ANK3: variants seen among roughly 807,000 people sequenced by gnomAD.
ANK3 encodes ankyrin-3.
In ANK3, 57 loss-of-function variants were observed where a neutral mutation model predicts 370.9. That is an observed-to-expected ratio of 0.15 (90% CI 0.12 to 0.19). The LOEUF (loss-of-function observed/expected upper bound fraction) is 0.19, where lower values mean the gene tolerates loss of function less well. Ranked by LOEUF, ANK3 falls within the 10% of genes least tolerant of loss-of-function variation. The probability of loss-of-function intolerance (pLI) is 1.00; values close to 1 mark genes in which losing one functional copy is unlikely to be tolerated. For synonymous variants in ANK3, 1,929 were observed against 1,946.3 expected (o/e 0.99, Z 0.23); for missense variants, 4,439 against 5,302.1 (o/e 0.84, Z 5.06).
rs754544794 is a variant in ANK3, at chr10:60,274,260, C to T, written c.415-4031G>A. On this transcript the variant is annotated intron_variant, in intron 4 of 43. Coordinates refer to ENST00000280772, the MANE Select transcript of ANK3 (RefSeq NM_020987.5). ...AGTGCTAAGATCACAGGCATGAACA[C>T]TGTGCTTGGCCTTCTTATGCTATTT... Among the ~76,000 whole-genome samples the T allele has an allele frequency of 3.3e-5, 5 of 152,180 alleles. No individual in the cohort carries two copies. The South Asian group carries it at 1.0e-3, about 31-fold the overall frequency.
chr10:60,087,055 T>C (rs933294159), intron 29 of ANK3, among the ~76,000 whole-genome samples, 171 bp from the exon 30 acceptor site: 27 of 136,234 alleles, frequency 2.0e-4, no homozygotes, highest in Non-Finnish European at 3.5e-4. Context: ...AAAGCATGAA[T>C]AAACGAAACC....
intron 2 of ANK3, among the ~76,000 whole-genome samples, chr10:60,578,578 G>A (rs1208733059): frequency 4.6e-5 from 7 of 152,200 alleles, no homozygotes; most frequent in Admixed American, 4.6e-4. Context: ...ATATTAAAAT[G>A]ACTAAGAACT....
intron 21 of ANK3, among the ~76,000 whole-genome samples, chr10:60,168,489 T>C (rs376115622): frequency 1.5e-4 from 23 of 152,362 alleles, no homozygotes; most frequent in African/African-American, 5.3e-4. Flanking sequence ...CATTTAGTTG[T>C]GTCTCCTTAG....
At chr10:60,162,106 G>C (rs1047164054) in intron 23 of ANK3, among the ~76,000 whole-genome samples, 4 of 152,024 alleles carry the variant, frequency 2.6e-5, no homozygotes, top group Admixed American at 1.3e-4. Context: ...AACATGATTT[G>C]TTCCTTTTCC....
At chr10:60,044,135 T>C (rs2089531615) in intron 42 of ANK3, 1 of 985,684 alleles carries the variant, frequency 1.0e-6, no homozygotes, top group East Asian at 1.1e-4. Flanking sequence ...CCGAGTGATC[T>C]GTAGGAAGTA....
intron 1 of ANK3, among the ~76,000 whole-genome samples, chr10:60,344,292 T>A (rs1168959372): frequency 6.6e-6 from 1 of 152,250 alleles, no homozygotes; most frequent in East Asian, 1.9e-4. Context: ...AATTCTTAAT[T>A]CTGTATTCCA....
At chr10:60,477,758 C>CAAAAA (rs2075111144) in intron 2 of ANK3, among the ~76,000 whole-genome samples, 3 of 151,888 alleles carry the variant, frequency 2.0e-5, no homozygotes, top group South Asian at 2.1e-4. Flanking sequence ...ACTGAGAAAA[C>CAAAAA]AGGTAAGCAA....
chr10:60,566,237 C>T (rs985823774), intron 2 of ANK3, among the ~76,000 whole-genome samples: 4 of 152,160 alleles, frequency 2.6e-5, no homozygotes, highest in African/African-American at 7.2e-5. Flanking sequence ...GTTCTTCTCT[C>T]TCCATCTACC....
chr10:60,228,045 C>A (rs1592082520), intron 8 of ANK3, among the ~76,000 whole-genome samples: 1 of 152,098 alleles, frequency 6.6e-6, no homozygotes, highest in Admixed American at 6.6e-5. Flanking sequence ...AAGGCTTAGT[C>A]CAATGCATGC....
At chr10:60,643,657 A>G (rs755100322) in intron 1 of ANK3, among the ~76,000 whole-genome samples, 5 of 152,068 alleles carry the variant, frequency 3.3e-5, no homozygotes, top group Non-Finnish European at 5.9e-5. Flanking sequence ...GAGTGACTAC[A>G]ACCGCTGCCA....
chr10:60,635,331 A>G (rs1029241871), intron 1 of ANK3, among the ~76,000 whole-genome samples: 5 of 152,184 alleles, frequency 3.3e-5, no homozygotes, highest in African/African-American at 1.2e-4. Flanking sequence ...GAATAAACTC[A>G]TGTAATTAGA....
At chr10:60,389,023 C>T (rs185402760) in intron 1 of ANK3, among the ~76,000 whole-genome samples, 6 of 152,266 alleles carry the variant, frequency 3.9e-5, no homozygotes, top group South Asian at 2.1e-4. Context: ...TCTTTTTCCA[C>T]GAGACAAACC....
intron 2 of ANK3, among the ~76,000 whole-genome samples, chr10:60,582,986 A>G (rs2077776135): frequency 6.6e-6 from 1 of 152,232 alleles, no homozygotes; most frequent in South Asian, 2.1e-4. Flanking sequence ...GGACTACCAT[A>G]TGATCCAACA....
At chr10:60,548,888 T>C (rs2077030592) in intron 2 of ANK3, among the ~76,000 whole-genome samples, 1 of 152,154 alleles carries the variant, frequency 6.6e-6, no homozygotes, top group Non-Finnish European at 1.5e-5. Context: ...AGTTCAGGGC[T>C]TTCTATAATA....
intron 2 of ANK3, among the ~76,000 whole-genome samples, chr10:60,500,014 A>C (rs1003715619): frequency 8.5e-5 from 13 of 152,320 alleles, no homozygotes; most frequent in Middle Eastern, 3.4e-3. Context: ...AATATCATCT[A>C]ATATAGAACA....
intron 23 of ANK3, among the ~76,000 whole-genome samples, chr10:60,165,047 A>C (rs149630334): frequency 2.0e-5 from 3 of 152,300 alleles, no homozygotes; most frequent in African/African-American, 7.2e-5. Flanking sequence ...TTTTGAAATT[A>C]TTTGGTTATC....
chr10:60,341,704 G>C (rs1449939243), intron 1 of ANK3, among the ~76,000 whole-genome samples: 1 of 152,122 alleles, frequency 6.6e-6, no homozygotes, highest in African/African-American at 2.4e-5. Context: ...GTTTGGCATA[G>C]TGCTTTAAAG....
At chr10:60,254,747 A>G (rs1258913106) in intron 7 of ANK3, among the ~76,000 whole-genome samples, 1 of 152,092 alleles carries the variant, frequency 6.6e-6, no homozygotes, top group African/African-American at 2.4e-5. Flanking sequence ...AACGCAGCTG[A>G]GTTTAGTTTG....
chr10:60,257,480 T>C (rs180931873), intron 7 of ANK3, among the ~76,000 whole-genome samples: 5 of 152,316 alleles, frequency 3.3e-5, no homozygotes, highest in African/African-American at 7.2e-5. Flanking sequence ...TTTTGAAGTA[T>C]AGTAACTAAA....
Sources: gnomAD v4.1 joint callset for allele counts (sites outside exome capture counted in the v4.1 genomes callset) on GRCh38, gnomAD v4.1.1 for gene constraint, MANE v1.5 for transcripts, NCBI Gene and HGNC (gene_info 2026-07-23, HGNC 2026-07-21) for gene names.